The following TACC2 variants were observed in gnomAD, a reference collection of about 807,000 sequenced individuals.
The protein encoded by TACC2 is transforming acidic coiled-coil containing protein 2.
Under a neutral mutation model 227.3 loss-of-function variants are expected in TACC2, and 137 were observed. That is an observed-to-expected ratio of 0.60 (90% CI 0.52 to 0.69). The LOEUF (loss-of-function observed/expected upper bound fraction) is 0.69. TACC2 is among the 30% of genes least tolerant of loss of function. The pLI, the probability that TACC2 is intolerant of heterozygous loss-of-function variation, is 0.00. For missense variants in TACC2, 3,470 were observed against 3,694.4 expected (o/e 0.94, Z 1.57); for synonymous variants, 1,523 against 1,487.5 (o/e 1.02, Z -0.55).
chr10:122,199,374 T>C (rs1463543819), intron 8 of TACC2, among the ~76,000 whole-genome samples: 1 of 152,238 alleles, frequency 6.6e-6, no homozygotes, highest in African/African-American at 2.4e-5. Context: ...ACACAGTGGC[T>C]TCCCTTTTCT....
At position 122,087,824 on chromosome 10, in the gene TACC2, C is replaced by A; in HGVS notation, c.5324C>A (p.Ala1775Asp). The change falls in exon 4 of 23, where the codon GCT becomes GAT. Residue 1775 changes from alanine (A) to aspartate (D), a missense_variant. By Grantham distance (126) the Ala-to-Asp change is moderately radical. Around this residue, in one of 10 missense-constraint regions of TACC2, gnomAD observed 1,924 missense variants for 1,978.3 expected, o/e 0.97. Coordinates refer to ENST00000369005, the MANE Select transcript of TACC2 (RefSeq NM_206862.4). Reference sequence around the variant, plus strand: ...GACAGCCCAGCCAGGCCCCAGCAGGCTAAGGAGCAGCCAGGGCCTGAGCGC... The same window carrying A: ...GACAGCCCAGCCAGGCCCCAGCAGGATAAGGAGCAGCCAGGGCCTGAGCGC... ...HGDSPARPQQ[A>D]KEQPGPERPI... 1 of 1,564,194 alleles carries A rather than the reference C, an allele frequency of 6.4e-7. No homozygotes were observed. The highest frequency in any genetic ancestry group is 8.7e-7 in the Non-Finnish European group (1 of 1,153,744).
chr10:122,214,418 A>C (rs188702475), intron 9 of TACC2, among the ~76,000 whole-genome samples: 2 of 152,192 alleles, frequency 1.3e-5, no homozygotes, highest in Non-Finnish European at 2.9e-5. Flanking sequence ...TTGAATGCCA[A>C]ATTGCTCTGC....
chr10:122,103,079 T>C (rs2082352532), intron 5 of TACC2, among the ~76,000 whole-genome samples: 1 of 152,026 alleles, frequency 6.6e-6, no homozygotes, highest in Admixed American at 6.6e-5. Context: ...CACTATTCCT[T>C]CTAGGAAAAA....
chr10:122,241,417 G>T (rs1159123966), intron 18 of TACC2, among the ~76,000 whole-genome samples: 1 of 152,030 alleles, frequency 6.6e-6, no homozygotes, highest in Admixed American at 6.6e-5. Context: ...TTAGTCCCTC[G>T]AGTAGCTAGG....
intron 2 of TACC2, chr10:122,022,287 G>A (rs1384057129): frequency 2.8e-6 from 1 of 353,944 alleles, no homozygotes; most frequent in Non-Finnish European, 5.1e-6. Flanking sequence ...TGTCACCCAG[G>A]CTTGAATGCA....
At chr10:122,097,918 A>G (rs2420992) in intron 5 of TACC2, among the ~76,000 whole-genome samples, 87,051 of 151,932 alleles carry the variant, frequency 0.57, 24,996 homozygotes, top group East Asian at 0.7. Context: ...TGTGCACCCA[A>G]GCCAGGCACT....
intron 5 of TACC2, among the ~76,000 whole-genome samples, chr10:122,128,448 T>G (rs1351609484): frequency 6.6e-6 from 1 of 152,196 alleles, no homozygotes; most frequent in Non-Finnish European, 1.5e-5. Flanking sequence ...TCACGTAGAA[T>G]ATGTGGGCAG....
intron 5 of TACC2, among the ~76,000 whole-genome samples, chr10:122,127,374 T>G (rs1254268127): frequency 6.6e-6 from 1 of 152,322 alleles, no homozygotes; most frequent in East Asian, 1.9e-4. Flanking sequence ...ACTGAAGATG[T>G]GGGCTTTTAA....
rs753182204 is a variant in TACC2, at chr10:122,083,350, A to G, written c.850A>G (p.Arg284Gly). 3.1e-6 allele frequency: 5 copies of G among 1,613,848 alleles called. No individual in the cohort carries two copies. In the East Asian group the frequency reaches 8.9e-5, roughly 29 times the overall value. Residue 284 changes from arginine to glycine, a missense_variant, in exon 4 of 23, where the codon AGA becomes GGA. This residue lies in a region of TACC2 where 405 missense variants were observed against 389.6 expected (regional missense o/e 1.04). Transcript: ENST00000369005. ...CCCGATCCCACAAGATCCAGCCCCAAGAGCCTCAGACAGAGAAAGAGGCCA... is the reference window on the plus strand; with the variant it reads ...CCCGATCCCACAAGATCCAGCCCCAGGAGCCTCAGACAGAGAAAGAGGCCA... ...MAPIPQDPAP[R>G]ASDRERGQGE...
At chr10:122,177,902 C>G (rs1160266423) in intron 7 of TACC2, among the ~76,000 whole-genome samples, 1 of 152,106 alleles carries the variant, frequency 6.6e-6, no homozygotes, top group Admixed American at 6.5e-5. Flanking sequence ...GCCCCTGAAC[C>G]CTGGATTTAC....
intron 11 of TACC2, among the ~76,000 whole-genome samples, chr10:122,221,336 A>T (rs1394404238): frequency 6.6e-6 from 1 of 152,104 alleles, no homozygotes; most frequent in Non-Finnish European, 1.5e-5. Context: ...AAAGATTAGG[A>T]ACTATTGGTC....
intron 7 of TACC2, among the ~76,000 whole-genome samples, chr10:122,172,886 G>C (rs1382898692): frequency 2.0e-5 from 3 of 152,102 alleles, no homozygotes; most frequent in Non-Finnish European, 2.9e-5. Context: ...CTGTGTGTGA[G>C]AGCGCTGAGT....
intron 8 of TACC2, among the ~76,000 whole-genome samples, chr10:122,196,521 T>C (rs2094571401): frequency 6.6e-6 from 1 of 152,338 alleles, no homozygotes; most frequent in African/African-American, 2.4e-5. Context: ...AGGAGGGCTG[T>C]CTGTAGTTCT....
intron 5 of TACC2, among the ~76,000 whole-genome samples, chr10:122,090,918 T>C (rs1306680770): frequency 2.6e-5 from 4 of 152,084 alleles, no homozygotes; most frequent in African/African-American, 7.2e-5. Context: ...ATTTTTAATT[T>C]TTTGTAGAGA....
chr10:122,149,037 C>T (rs750479590), intron 7 of TACC2, among the ~76,000 whole-genome samples: 7 of 152,228 alleles, frequency 4.6e-5, no homozygotes, highest in Non-Finnish European at 7.3e-5. Flanking sequence ...GAGCTGTCAG[C>T]TCTTTGGAGA....
chr10:122,224,658 A>AT (rs897207529), intron 11 of TACC2, 68 bp from the exon 12 acceptor site: 12 of 1,470,026 alleles, frequency 8.2e-6, no homozygotes, highest in African/African-American at 5.6e-5. Flanking sequence ...AGATCTTCCC[A>AT]TTTTTTTCCT....
chr10:122,079,554 C>T (rs2079208449), intron 3 of TACC2, among the ~76,000 whole-genome samples: 1 of 152,162 alleles, frequency 6.6e-6, no homozygotes, highest in Admixed American at 6.5e-5. Flanking sequence ...CAGGAACAGG[C>T]ATTAGATAAA....
chr10:122,086,717 C>T lies in TACC2; in HGVS notation c.4217C>T (p.Pro1406Leu). The stretch of plus-strand genomic sequence containing the variant: ...CAAATCGCCACCCTCACTGGCTTCC[C>T]AGACTTCAGGGAGCACATCGCCAAG... Reference protein sequence around the residue: ...SEQIATLTGFPDFREHIAKIF... With the variant: ...SEQIATLTGFLDFREHIAKIF... The change falls in exon 4 of 23, where the codon CCA (proline) becomes CTA (leucine). Residue 1406 changes from proline to leucine, a missense_variant. Pro to Leu is a moderately conservative substitution (Grantham distance 98). This residue lies in a region of TACC2 where 1,924 missense variants were observed against 1,978.3 expected (regional missense o/e 0.97). Coordinates refer to ENST00000369005, the MANE Select transcript of TACC2 (RefSeq NM_206862.4). 1 of 1,613,976 alleles carries T rather than the reference C, an allele frequency of 6.2e-7. No homozygotes were observed. The highest frequency in any genetic ancestry group is 1.1e-5 in the South Asian group (1 of 91,086).
intron 18 of TACC2, 52 bp from the exon 19 acceptor site, chr10:122,241,906 T>C: frequency 5.1e-6 from 8 of 1,574,248 alleles, no homozygotes; most frequent in Non-Finnish European, 6.1e-6. Flanking sequence ...CTGTGTGAGA[T>C]GGAAAACCAT....
Sources: gnomAD v4.1 joint callset for allele counts (sites outside exome capture counted in the v4.1 genomes callset) on GRCh38, gnomAD v4.1.1 for gene constraint, gnomAD v4.1.1 regional missense constraint, MANE v1.5 for transcripts, NCBI Gene and HGNC (gene_info 2026-07-23, HGNC 2026-07-21) for gene names.